SEPTIN2: variants seen among roughly 807,000 people sequenced by gnomAD.
SEPTIN2 encodes septin 2, also known as septin-2.
In SEPTIN2, 34 loss-of-function variants were observed where a neutral mutation model predicts 46.5. That is an observed-to-expected ratio of 0.73 (90% CI 0.56 to 0.97). The LOEUF (loss-of-function observed/expected upper bound fraction) is 0.97. Ranked by LOEUF, SEPTIN2 falls within the 50% of genes least tolerant of loss-of-function variation. The pLI is 0.00. For synonymous variants in SEPTIN2, 175 were observed against 153.4 expected, an observed-to-expected ratio of 1.14 and a Z score of -1.04; for missense variants, 347 against 448.4, an observed-to-expected ratio of 0.77 and a Z score of 2.04.
chr2:241,337,274 A>T, intron 5 of SEPTIN2, 108 bp from the exon 6 acceptor site: 1 of 1,021,232 alleles, frequency 9.8e-7, no homozygotes, highest in South Asian at 1.8e-5. Context: ...CTTGAAAATG[A>T]ATTATTAAAT....
rs1575276055 is a variant in SEPTIN2 at position 241,336,042 on chromosome 2, A to G, written c.285A>G (p.Leu95=). 6.2e-7 allele frequency: 1 copy of G among 1,614,070 alleles called. No homozygotes were observed. Among genetic ancestry groups the G allele is most frequent in the Middle Eastern group, 1.6e-4 (1 of 6,062 alleles). The part of the protein sequence containing the change: ...TVEIEERGVK[L]RLTVVDTPGY... ...AAATTGAAGAGCGAGGGGTCAAGCTACGCCTGACAGTGGTAGATACCCCTG... is the reference window on the plus strand; with the variant it reads ...AAATTGAAGAGCGAGGGGTCAAGCTGCGCCTGACAGTGGTAGATACCCCTG... The change falls in exon 5 of 13, where the codon CTA becomes CTG. Residue 95 remains leucine, a synonymous_variant. Coordinates refer to ENST00000391971, the MANE Select transcript of SEPTIN2 (RefSeq NM_004404.5).
chr2:241,328,461 G>A (rs181025147), intron 3 of SEPTIN2, among the ~76,000 whole-genome samples: 1 of 151,820 alleles, frequency 6.6e-6, no homozygotes, highest in African/African-American at 2.4e-5. Context: ...AATTGGCTGG[G>A]TGTGGTGGCT....
At chr2:241,351,856 C>G (rs1398357046) in intron 12 of SEPTIN2, 111 bp from the exon 13 acceptor site, 1 of 152,202 alleles carries the variant, frequency 6.6e-6, no homozygotes, top group Non-Finnish European at 1.5e-5. Flanking sequence ...TAAGCCCTGC[C>G]TTTTGCTCAG....
chr2:241,341,125 T>C (rs988630564), intron 7 of SEPTIN2, among the ~76,000 whole-genome samples: 1 of 152,216 alleles, frequency 6.6e-6, no homozygotes, highest in African/African-American at 2.4e-5. Flanking sequence ...ACCACCTTCC[T>C]TCCTGATCCC....
intron 4 of SEPTIN2, chr2:241,335,680 A>G (rs892896691): frequency 3.5e-6 from 2 of 564,380 alleles, no homozygotes; most frequent in Non-Finnish European, 6.3e-6. Flanking sequence ...GCCCTTTCAG[A>G]ATATTTTTGA....
At chr2:241,336,417 A>C (rs1342291646) in intron 5 of SEPTIN2, 3 of 301,820 alleles carry the variant, frequency 9.9e-6, no homozygotes, top group Admixed American at 4.7e-5. Flanking sequence ...AGGAAGTGAA[A>C]CCTGTTAGAG....
intron 3 of SEPTIN2, among the ~76,000 whole-genome samples, chr2:241,327,524 GAA>G (rs975628706): frequency 6.9e-6 from 1 of 145,304 alleles, no homozygotes; most frequent in Non-Finnish European, 1.5e-5. Flanking sequence ...AAAAAAACAT[GAA>G]AAAATAATGC....
chr2:241,339,403 C>A (rs979417247), intron 7 of SEPTIN2, among the ~76,000 whole-genome samples: 1 of 151,782 alleles, frequency 6.6e-6, no homozygotes, highest in Admixed American at 6.6e-5. Context: ...TCTGTAATTA[C>A]CCACAGAAAG....
chr2:241,344,982 TG>T (rs1386940671), intron 9 of SEPTIN2, among the ~76,000 whole-genome samples: 3 of 151,838 alleles, frequency 2.0e-5, no homozygotes. Context: ...AGTGTGGTGG[TG>T]GGTGCCGGTA....
At chr2:241,337,352 G>C (rs746528430) in intron 5 of SEPTIN2, 30 bp from the exon 6 acceptor site, 6 of 1,603,560 alleles carry the variant, frequency 3.7e-6, no homozygotes, top group Non-Finnish European at 5.1e-6. Flanking sequence ...TATACCCTAT[G>C]ATTATTGTTA....
chr2:241,327,510 A>AG (rs1156429885), intron 3 of SEPTIN2, among the ~76,000 whole-genome samples: 2 of 149,278 alleles, frequency 1.3e-5, no homozygotes, highest in African/African-American at 4.9e-5. Flanking sequence ...CAGGAAAGCA[A>AG]AAAAAAAAAA....
At chr2:241,337,299 C>G in intron 5 of SEPTIN2, 83 bp from the exon 6 acceptor site, 2 of 1,161,504 alleles carry the variant, frequency 1.7e-6, no homozygotes, top group Non-Finnish European at 2.4e-6. Context: ...TATATTTGGG[C>G]GGAGGCACTT....
At chr2:241,336,164 G>A (rs41266959) in intron 5 of SEPTIN2, 66 bp downstream of exon 5, 210,569 of 1,461,198 alleles carry the variant, frequency 0.14, 16,147 homozygotes, top group Non-Finnish European at 0.16. Context: ...TTTATAGATA[G>A]TGTTAATGAG....
At position 241,332,984 on chromosome 2, in the gene SEPTIN2, T is replaced by A. The variant is rs538834850; in HGVS notation, c.131-2142T>A. On this transcript the variant is annotated intron_variant, in intron 3 of 12. Coordinates refer to ENST00000391971, the MANE Select transcript of SEPTIN2 (RefSeq NM_004404.5). Reference sequence around the variant, plus strand: ...GGACTGGAGAGGGTAGACTTCACAGTTACACAAAGCAACTCTAGGGTTATG... The same window carrying A: ...GGACTGGAGAGGGTAGACTTCACAGATACACAAAGCAACTCTAGGGTTATG... 4.6e-5 allele frequency among the ~76,000 whole-genome samples: 7 copies of A among 152,344 alleles called. No individual in the cohort carries two copies. The South Asian group carries it at 1.0e-3, about 23-fold the overall frequency.
Position 241,353,074 on chromosome 2 carries a change from C to G in SEPTIN2, c.*1137C>G, listed in dbSNP as rs979932305. The stretch of plus-strand genomic sequence containing the variant: ...TGATTTGAGTTTCCTTTAAATACTC[C>G]CTTTTTGAGTAATTTTCTGATGGGA... On this transcript the variant is annotated 3_prime_UTR_variant, in exon 13 of 13. Coordinates refer to ENST00000391971, the MANE Select transcript of SEPTIN2 (RefSeq NM_004404.5). 5 of 152,146 alleles carry G rather than the reference C, an allele frequency of 3.3e-5. No individual in the cohort carries two copies. The highest frequency in any genetic ancestry group is 9.7e-5 in the African/African-American group (4 of 41,436). The allele number at this position is 152,146 out of a possible 1,614,324, so 9.4% of individuals were successfully genotyped here. A position where few individuals can be genotyped will look rare whatever the true frequency, so the allele number is the denominator to read the frequency against.
At chr2:241,319,402 C>T (rs1461077355) in intron 1 of SEPTIN2, among the ~76,000 whole-genome samples, 4 of 152,146 alleles carry the variant, frequency 2.6e-5, no homozygotes, top group Non-Finnish European at 2.9e-5. Context: ...ATGGATAGCA[C>T]ATGGGGGTTT....
In SEPTIN2 at chr2:241,353,222, C is replaced by G. The variant is rs2060907776; in HGVS notation, c.*1285C>G. ...TGTCAAAGTGAAAGACATTTCAAAT[C>G]TGTAGCATAGGCTAGTGGGCAGGTC... On this transcript the variant is annotated 3_prime_UTR_variant, in exon 13 of 13. Transcript: ENST00000391971. 6.6e-6 allele frequency: 1 copy of G among 152,178 alleles called. No homozygotes were observed. The highest frequency in any genetic ancestry group is 2.4e-5 in the African/African-American group (1 of 41,432). The allele number at this position is 152,178 out of a possible 1,614,324, so 9.4% of individuals were successfully genotyped here.
chr2:241,345,379 G>A (rs1260086138), intron 9 of SEPTIN2, among the ~76,000 whole-genome samples: 2 of 152,200 alleles, frequency 1.3e-5, no homozygotes, highest in East Asian at 1.9e-4. Flanking sequence ...CTGCATCCTT[G>A]TGGCTATCCT....
chr2:241,341,618 C>T (rs557041165), intron 7 of SEPTIN2, among the ~76,000 whole-genome samples: 2 of 152,208 alleles, frequency 1.3e-5, no homozygotes, highest in South Asian at 4.1e-4. Context: ...GACTGAAGGT[C>T]GAGTTACAGA....
Sources: gnomAD v4.1 joint callset for allele counts (sites outside exome capture counted in the v4.1 genomes callset) on GRCh38, gnomAD v4.1.1 for gene constraint, MANE v1.5 for transcripts, NCBI Gene and HGNC (gene_info 2026-07-23, HGNC 2026-07-21) for gene names.